The following UEVLD variants were observed in gnomAD, a reference collection of about 807,000 sequenced individuals.
UEVLD encodes UEV and lactate/malate dehyrogenase domains.
Under a neutral mutation model 58.6 loss-of-function variants are expected in UEVLD, and 47 were observed. The observed-to-expected ratio is 0.80, with a 90% confidence interval of 0.63 to 1.02. The LOEUF is 1.02. Among genes scored for constraint, UEVLD ranks in the 50% least tolerant of loss-of-function variants. UEVLD has a pLI of 0.00. For synonymous variants in UEVLD, 197 were observed against 195.3 expected, an observed-to-expected ratio of 1.01 and a Z score of -0.07; for missense variants, 510 against 550.6, an observed-to-expected ratio of 0.93 and a Z score of 0.74.
At chr11:18,568,882 T>C (rs1852437521) in intron 4 of UEVLD, among the ~76,000 whole-genome samples, 1 of 152,066 alleles carries the variant, frequency 6.6e-6, no homozygotes, top group Non-Finnish European at 1.5e-5. Flanking sequence ...CCTACTAGCT[T>C]TCTGGTACAT....
At chr11:18,579,382 C>A (rs1234981434) in intron 1 of UEVLD, 1 of 924,966 alleles carries the variant, frequency 1.1e-6, no homozygotes, top group Non-Finnish European at 1.3e-6. Flanking sequence ...GAGCTCAAAT[C>A]CAGGACCAGA....
intron 9 of UEVLD, among the ~76,000 whole-genome samples, chr11:18,542,726 T>C (rs1331168337): frequency 1.3e-5 from 2 of 152,110 alleles, no homozygotes; most frequent in Non-Finnish European, 1.5e-5. Context: ...CATCAAAGTA[T>C]AGATGACACT....
intron 7 of UEVLD, among the ~76,000 whole-genome samples, chr11:18,549,782 T>C (rs12420702): frequency 0.16 from 24,421 of 152,040 alleles, 2,579 homozygotes; most frequent in East Asian, 0.41. Flanking sequence ...CATCAAGCTC[T>C]CGGGCCTTTT....
intron 4 of UEVLD, among the ~76,000 whole-genome samples, chr11:18,567,124 A>T (rs1852338739): frequency 6.6e-6 from 1 of 152,196 alleles, no homozygotes; most frequent in African/African-American, 2.4e-5. Context: ...ATATTTCCTA[A>T]AAGAAAAAGA....
At chr11:18,545,806 A>C (rs1851283790) in intron 8 of UEVLD, among the ~76,000 whole-genome samples, 1 of 152,224 alleles carries the variant, frequency 6.6e-6, no homozygotes, top group African/African-American at 2.4e-5. Flanking sequence ...AGAACAGTTA[A>C]GTGAGGATAA....
At chr11:18,545,513 G>A (rs936895856) in intron 8 of UEVLD, among the ~76,000 whole-genome samples, 1 of 150,298 alleles carries the variant, frequency 6.7e-6, no homozygotes, top group Admixed American at 6.6e-5. Context: ...GGCATGACCT[G>A]GGCTCACTGC....
intron 4 of UEVLD, among the ~76,000 whole-genome samples, chr11:18,568,987 T>C (rs923509056): frequency 2.0e-5 from 3 of 152,094 alleles, no homozygotes; most frequent in African/African-American, 7.2e-5. Flanking sequence ...CTCCACCTTC[T>C]GAGTTCACAC....
At chr11:18,558,567 TG>T (rs1342868111) in intron 6 of UEVLD, among the ~76,000 whole-genome samples, 5 of 152,068 alleles carry the variant, frequency 3.3e-5, no homozygotes, top group Non-Finnish European at 7.4e-5. Context: ...GCGGATCACC[TG>T]AGGTCAGGAG....
chr11:18,588,222 C>T (rs1021022075), intron 1 of UEVLD, among the ~76,000 whole-genome samples: 3 of 152,116 alleles, frequency 2.0e-5, no homozygotes, highest in African/African-American at 7.2e-5. Flanking sequence ...TTGATTCAAT[C>T]TTACAGGGAG....
At chr11:18,588,131 A>AG (rs1853677358) in intron 1 of UEVLD, among the ~76,000 whole-genome samples, 1 of 152,188 alleles carries the variant, frequency 6.6e-6, no homozygotes, top group Non-Finnish European at 1.5e-5. Context: ...CTGCAGTCAA[A>AG]GGGGCTCACA....
At chr11:18,573,665 C>T (rs1006729190) in intron 3 of UEVLD, among the ~76,000 whole-genome samples, 10 of 152,178 alleles carry the variant, frequency 6.6e-5, no homozygotes, top group African/African-American at 2.4e-4. Flanking sequence ...CTACACATTT[C>T]CTGAGTGCCT....
chr11:18,581,205 T>A (rs1314689971), intron 1 of UEVLD, among the ~76,000 whole-genome samples: 1 of 150,776 alleles, frequency 6.6e-6, no homozygotes, highest in African/African-American at 2.4e-5. Flanking sequence ...GCCTACAAAC[T>A]TCAACAGGTG....
At position 18,570,354 on chromosome 11, in the gene UEVLD, G is replaced by A. The variant is rs762581296; in HGVS notation, c.217C>T (p.Arg73Cys). Residue 73 changes from arginine (R) to cysteine (C), a missense_variant, in exon 4 of 12, where the codon CGT becomes TGT. Transcript: ENST00000396197. ...YQGNTYNIPI[R>C]FWILDSHPFA... Reference sequence around the variant, plus strand: ...GGGTGAGAATCCAAAATCCAGAAACGAATTGGTATGTTATATGTATTACCT... The same window carrying A: ...GGGTGAGAATCCAAAATCCAGAAACAAATTGGTATGTTATATGTATTACCT... 1.4e-5 allele frequency: 22 copies of A among 1,568,370 alleles called. No homozygotes were observed. In the Admixed American group the frequency reaches 1.5e-4, roughly 11 times the overall value.
At chr11:18,568,639 TAA>T (rs1032448981) in intron 4 of UEVLD, among the ~76,000 whole-genome samples, 1 of 152,210 alleles carries the variant, frequency 6.6e-6, no homozygotes, top group African/African-American at 2.4e-5. Context: ...GTTCACAAAG[TAA>T]AATGTCAACT....
At chr11:18,537,324 A>ATATTT (rs1160942409) in intron 9 of UEVLD, among the ~76,000 whole-genome samples, 17 of 131,556 alleles carry the variant, frequency 1.3e-4, no homozygotes, top group East Asian at 1.1e-3. Context: ...ATATATATAT[A>ATATTT]TTTTTTTTTT....
chr11:18,554,967 G>A (rs1184302300), intron 7 of UEVLD, among the ~76,000 whole-genome samples: 1 of 152,096 alleles, frequency 6.6e-6, no homozygotes, highest in East Asian at 1.9e-4. Context: ...ATATATTCAT[G>A]AGAAGTCAGT....
intron 6 of UEVLD, among the ~76,000 whole-genome samples, chr11:18,559,216 T>C (rs576472021): frequency 4.1e-5 from 6 of 146,294 alleles, no homozygotes; most frequent in Non-Finnish European, 9.0e-5. Context: ...TTTTTTTTTC[T>C]GAGAAGGAGT....
intron 9 of UEVLD, among the ~76,000 whole-genome samples, chr11:18,541,349 G>A (rs1447471512): frequency 6.6e-6 from 1 of 152,194 alleles, no homozygotes; most frequent in Non-Finnish European, 1.5e-5. Flanking sequence ...GGAGAATGAT[G>A]TATGATGTCT....
Position 18,529,727 on chromosome 11 carries a change from A to G in UEVLD, c.*2593T>C, listed in dbSNP as rs1850490967. 2 of 152,342 alleles carry G rather than the reference A, an allele frequency of 1.3e-5. No individual in the cohort carries two copies. The highest frequency in any genetic ancestry group is 4.8e-5 in the African/African-American group (2 of 41,576). 9.4% of individuals were successfully genotyped at this position (152,342 alleles called of 1,614,324 possible). A position where few individuals can be genotyped will look rare whatever the true frequency, so the allele number is the denominator to read the frequency against. ...AAGCATTTTAATCCAAACCCCACTAAAAATTATAACAAGCTCTGCATGATT... is the reference window on the plus strand; with the variant it reads ...AAGCATTTTAATCCAAACCCCACTAGAAATTATAACAAGCTCTGCATGATT... On this transcript the variant is annotated 3_prime_UTR_variant, in exon 12 of 12. Transcript: ENST00000396197.
Sources: gnomAD v4.1 joint callset for allele counts (sites outside exome capture counted in the v4.1 genomes callset) on GRCh38, gnomAD v4.1.1 for gene constraint, MANE v1.5 for transcripts, NCBI Gene and HGNC (gene_info 2026-07-23, HGNC 2026-07-21) for gene names.